The following TRPC4 variants were observed in gnomAD, a reference collection of about 807,000 sequenced individuals.
The protein encoded by TRPC4 is transient receptor potential cation channel subfamily C member 4, also known as short transient receptor potential channel 4.
A neutral mutation model predicts 99.4 loss-of-function variants in TRPC4; 49 were observed. The ratio of observed to expected loss-of-function variants is 0.49; its 90% CI spans 0.39 to 0.63. The LOEUF (loss-of-function observed/expected upper bound fraction) is 0.63, where lower values mean the gene tolerates loss of function less well. Among genes scored for constraint, TRPC4 ranks in the 20% least tolerant of loss-of-function variants. TRPC4 has a pLI of 0.00. For missense variants in TRPC4, 898 were observed against 1,152.9 expected (o/e 0.78, Z 3.20); for synonymous variants, 454 against 425.9 (o/e 1.07, Z -0.81).
chr13:37,800,148 C>T (rs1957365581), intron 1 of TRPC4, among the ~76,000 whole-genome samples: 1 of 152,102 alleles, frequency 6.6e-6, no homozygotes, highest in Admixed American at 6.6e-5. Flanking sequence ...TGTAAACTGG[C>T]ACATATTCTG....
chr13:37,689,690 A>G (rs910709093), intron 4 of TRPC4, among the ~76,000 whole-genome samples: 11 of 152,232 alleles, frequency 7.2e-5, no homozygotes, highest in African/African-American at 2.7e-4. Context: ...AGTTTCTTCC[A>G]GCCAACTTCC....
intron 3 of TRPC4, among the ~76,000 whole-genome samples, chr13:37,702,603 C>G (rs1288258511): frequency 6.6e-6 from 1 of 152,122 alleles, no homozygotes; most frequent in Non-Finnish European, 1.5e-5. Context: ...TCCAACTATA[C>G]AGTTTTCCTC....
At chr13:37,739,068 C>A (rs1218878783) in intron 3 of TRPC4, among the ~76,000 whole-genome samples, 3 of 152,066 alleles carry the variant, frequency 2.0e-5, no homozygotes, top group African/African-American at 4.8e-5. Flanking sequence ...AGGTGTTCAA[C>A]TGGAGAAGCA....
intron 4 of TRPC4, among the ~76,000 whole-genome samples, chr13:37,682,922 CTTTTTTTTTTT>C (rs35740848): frequency 2.7e-5 from 3 of 109,344 alleles, no homozygotes; most frequent in South Asian, 3.3e-4. Flanking sequence ...GCCCAGCTAT[CTTTTTTTTTTT>C]TTTTTTTTTT....
chr13:37,656,090 A>G lies in TRPC4; in HGVS notation c.1689-807T>C, dbSNP rs1021257493. On this transcript the variant is annotated intron_variant, in intron 6 of 10. Coordinates refer to ENST00000379705, the MANE Select transcript of TRPC4 (RefSeq NM_016179.4). ...TTTTTGGTATTTCAAGGAACATTTT[A>G]TTTATTCTAGCCAATGAATGAACTC... Among the ~76,000 whole-genome samples, 6 of 152,086 alleles carry G rather than the reference A, an allele frequency of 3.9e-5. No individual in the cohort carries two copies. The East Asian group carries it at 7.7e-4, about 20-fold the overall frequency.
intron 2 of TRPC4, among the ~76,000 whole-genome samples, chr13:37,781,807 C>A (rs4943538): frequency 0.29 from 44,114 of 151,686 alleles, 6,919 homozygotes; most frequent in East Asian, 0.66. Flanking sequence ...AAAAAGGGAC[C>A]ATAAAAACAC....
intron 2 of TRPC4, among the ~76,000 whole-genome samples, chr13:37,757,127 G>A (rs1483532944): frequency 6.6e-6 from 1 of 151,816 alleles, no homozygotes. Flanking sequence ...ATGCCTATTA[G>A]TACATTAAAT....
intron 1 of TRPC4, among the ~76,000 whole-genome samples, chr13:37,809,480 TAA>T (rs1275513757): frequency 1.4e-5 from 2 of 141,310 alleles, no homozygotes; most frequent in Admixed American, 7.2e-5. Context: ...TTTTTTTTTT[TAA>T]ATAACTGACT....
intron 4 of TRPC4, among the ~76,000 whole-genome samples, chr13:37,682,447 A>C (rs1217086179): frequency 6.6e-6 from 1 of 152,232 alleles, no homozygotes; most frequent in Non-Finnish European, 1.5e-5. Context: ...ATTCAGTAGA[A>C]ACCCACTTGT....
At chr13:37,847,870 G>A (rs1404686965) in intron 1 of TRPC4, among the ~76,000 whole-genome samples, 1 of 152,062 alleles carries the variant, frequency 6.6e-6, no homozygotes, top group East Asian at 1.9e-4. Context: ...GGTTACCAGA[G>A]GATAAGCAGG....
At chr13:37,647,763 T>C (rs1278048232) in intron 8 of TRPC4, among the ~76,000 whole-genome samples, 1 of 152,232 alleles carries the variant, frequency 6.6e-6, no homozygotes, top group African/African-American at 2.4e-5. Flanking sequence ...CACCTTTTAA[T>C]TAATAGTTGT....
At chr13:37,710,210 G>A (rs1287983825) in intron 3 of TRPC4, among the ~76,000 whole-genome samples, 2 of 151,814 alleles carry the variant, frequency 1.3e-5, no homozygotes, top group Non-Finnish European at 2.9e-5. Flanking sequence ...ACCCTTAATG[G>A]ATTGTCAGAC....
At chr13:37,839,316 C>T (rs146199317) in intron 1 of TRPC4, among the ~76,000 whole-genome samples, 117 of 152,244 alleles carry the variant, frequency 7.7e-4, no homozygotes, top group African/African-American at 2.7e-3. Flanking sequence ...GTGATGAGTT[C>T]CTGGCCTCCA....
At chr13:37,774,358 A>T (rs1319138092) in intron 2 of TRPC4, among the ~76,000 whole-genome samples, 4 of 151,816 alleles carry the variant, frequency 2.6e-5, no homozygotes, top group African/African-American at 9.7e-5. Flanking sequence ...CTAATAAATG[A>T]CTCAAACAAT....
chr13:37,772,350 C>T (rs1324112932), intron 2 of TRPC4, among the ~76,000 whole-genome samples: 1 of 151,532 alleles, frequency 6.6e-6, no homozygotes, highest in African/African-American at 2.4e-5. Context: ...CCAAGCAAAG[C>T]CTAAGAGGAC....
rs61394712 is a variant in TRPC4 at position 37,753,575 on chromosome 13, A to AAGAGAGAGAGAGAG, written c.379-7134_379-7121dup. Among the ~76,000 whole-genome samples, 279 of 137,284 alleles carry AAGAGAGAGAGAGAG rather than the reference A, an allele frequency of 2.0e-3. 2 individuals carry two copies. Among genetic ancestry groups the AAGAGAGAGAGAGAG allele is most frequent in the South Asian group, 0.016 (66 of 4,128 alleles). The allele number at this position is 137,284 out of a possible 152,430, so 90.1% of individuals were successfully genotyped here. On this transcript the variant is annotated intron_variant, in intron 2 of 10. Transcript: ENST00000379705. ...AGAGAAAGAAAGAGAGAGAGAGAGA[A>AAGAGAGAGAGAGAG]AGAGAGAGAGAGAGAGAGAGAGAGA...
At chr13:37,673,409 T>A (rs537651924) in intron 5 of TRPC4, among the ~76,000 whole-genome samples, 6 of 152,266 alleles carry the variant, frequency 3.9e-5, no homozygotes, top group African/African-American at 1.4e-4. Context: ...TGTTAGAATT[T>A]TCTAGTTCAG....
chr13:37,650,199 T>C (rs1335654173), intron 8 of TRPC4, among the ~76,000 whole-genome samples: 1 of 152,158 alleles, frequency 6.6e-6, no homozygotes, highest in Admixed American at 6.5e-5. Flanking sequence ...CCATGTAAAA[T>C]AAAATTGAAA....
intron 1 of TRPC4, among the ~76,000 whole-genome samples, chr13:37,842,152 C>A (rs1401859159): frequency 1.3e-5 from 2 of 151,182 alleles, no homozygotes; most frequent in African/African-American, 2.4e-5. Context: ...CACCTGTAAT[C>A]CCAGATACTC....
Sources: gnomAD v4.1 joint callset for allele counts (sites outside exome capture counted in the v4.1 genomes callset) on GRCh38, gnomAD v4.1.1 for gene constraint, MANE v1.5 for transcripts, NCBI Gene and HGNC (gene_info 2026-07-23, HGNC 2026-07-21) for gene names.